Variants in KLF12 observed in about 807,000 individuals in gnomAD.
The protein encoded by KLF12 is KLF transcription factor 12.
In KLF12, 9 loss-of-function variants were observed where a neutral mutation model predicts 37.8. The observed-to-expected ratio is 0.24, with a 90% CI of 0.14 to 0.42. The LOEUF (loss-of-function observed/expected upper bound fraction) is 0.42, where lower values mean the gene tolerates loss of function less well. KLF12 is among the 10% of genes least tolerant of loss of function. The probability of loss-of-function intolerance (pLI) is 1.00; values close to 1 mark genes in which losing one functional copy is unlikely to be tolerated. For missense variants in KLF12, 411 were observed against 516.0 expected, an observed-to-expected ratio of 0.80 and a Z score of 1.97; for synonymous variants, 208 against 202.1, an observed-to-expected ratio of 1.03 and a Z score of -0.25.
At chr13:73,807,029 G>A (rs1315625907) in intron 5 of KLF12, among the ~76,000 whole-genome samples, 4 of 152,144 alleles carry the variant, frequency 2.6e-5, no homozygotes, top group African/African-American at 7.2e-5. Context: ...AATTATGGCC[G>A]GGCACGGTGG....
At chr13:73,946,066 C>G (rs1052851883) in intron 2 of KLF12, among the ~76,000 whole-genome samples, 1 of 152,098 alleles carries the variant, frequency 6.6e-6, no homozygotes. Context: ...GGCCAGCCCT[C>G]GACTCTCCGG....
chr13:73,840,326 TCTC>T (rs1331286512), intron 4 of KLF12, among the ~76,000 whole-genome samples: 2 of 152,050 alleles, frequency 1.3e-5, no homozygotes, highest in African/African-American at 2.4e-5. Context: ...CGTCCATGCT[TCTC>T]CTTCTCCATT....
At chr13:73,834,883 G>A (rs1410197931) in intron 4 of KLF12, among the ~76,000 whole-genome samples, 1 of 152,038 alleles carries the variant, frequency 6.6e-6, no homozygotes, top group East Asian at 1.9e-4. Context: ...TCACCTCTCA[G>A]CAAAACTTCC....
chr13:74,043,805 C>A (rs988654579), intron 1 of KLF12, among the ~76,000 whole-genome samples: 1 of 152,120 alleles, frequency 6.6e-6, no homozygotes, highest in African/African-American at 2.4e-5. Context: ...TTAGGCAGGT[C>A]CTCACAGCAA....
At chr13:74,270,739 C>T in the KLF12 span, among the ~76,000 whole-genome samples, 153 of 152,146 alleles carry the variant, frequency 1.0e-3, no homozygotes, top group Non-Finnish European at 1.5e-3. Flanking sequence ...GGTAGATGTG[C>T]GGGTAGCCTG....
At chr13:73,777,708 CAAAAAAAAAA>C (rs1880702316) in intron 5 of KLF12, among the ~76,000 whole-genome samples, 2 of 115,908 alleles carry the variant, frequency 1.7e-5, no homozygotes, top group Admixed American at 1.8e-4. Flanking sequence ...AACTCCATTT[CAAAAAAAAAA>C]GAAAAAAAAA....
At chr13:74,200,426 G>A in the KLF12 span, among the ~76,000 whole-genome samples, 1 of 152,082 alleles carries the variant, frequency 6.6e-6, no homozygotes, top group Non-Finnish European at 1.5e-5. Context: ...AAAGTCTGCA[G>A]GATCATATTA....
chr13:74,040,455 TG>T (rs1428415181), intron 1 of KLF12, among the ~76,000 whole-genome samples: 2 of 152,154 alleles, frequency 1.3e-5, no homozygotes, highest in Non-Finnish European at 2.9e-5. Flanking sequence ...CCTGGGACAT[TG>T]GGATTCCAGA....
intron 1 of KLF12, among the ~76,000 whole-genome samples, chr13:74,022,047 C>T (rs558638660): frequency 6.6e-6 from 1 of 152,264 alleles, no homozygotes; most frequent in South Asian, 2.1e-4. Flanking sequence ...AAGTCATCTA[C>T]ATGCAAAAGA....
chr13:74,285,232 G>T, the KLF12 span, among the ~76,000 whole-genome samples: 1 of 151,300 alleles, frequency 6.6e-6, no homozygotes, highest in Non-Finnish European at 1.5e-5. Context: ...AATTGCATCT[G>T]CAGTCTCAAA....
intron 3 of KLF12, among the ~76,000 whole-genome samples, chr13:73,942,903 T>C (rs1473765037): frequency 6.6e-6 from 1 of 152,214 alleles, no homozygotes; most frequent in African/African-American, 2.4e-5. Flanking sequence ...CAGCCTGCTA[T>C]GTGATGCTCA....
intron 1 of KLF12, among the ~76,000 whole-genome samples, chr13:74,019,305 A>G (rs906206480): frequency 1.3e-5 from 2 of 152,232 alleles, no homozygotes; most frequent in South Asian, 2.1e-4. Flanking sequence ...TTACAAAACT[A>G]TATCTCTACT....
the KLF12 span, among the ~76,000 whole-genome samples, chr13:74,167,596 A>G: frequency 6.6e-6 from 1 of 152,228 alleles, no homozygotes; most frequent in African/African-American, 2.4e-5. Flanking sequence ...TAAGCCCGTC[A>G]ATTTGGTACT....
chr13:73,923,632 C>T (rs1406546845), intron 3 of KLF12, among the ~76,000 whole-genome samples: 1 of 152,156 alleles, frequency 6.6e-6, no homozygotes, highest in Non-Finnish European at 1.5e-5. Context: ...CCTTAGAAAT[C>T]ACAGTCCCCA....
intron 3 of KLF12, among the ~76,000 whole-genome samples, chr13:73,926,937 GAA>G (rs71115622): frequency 1.4e-5 from 2 of 140,360 alleles, no homozygotes; most frequent in East Asian, 2.0e-4. Context: ...TGTCTCCTTT[GAA>G]AAAAAAAAAA....
At chr13:73,762,704 A>G (rs1879648671) in intron 6 of KLF12, among the ~76,000 whole-genome samples, 1 of 152,174 alleles carries the variant, frequency 6.6e-6, no homozygotes, top group Non-Finnish European at 1.5e-5. Flanking sequence ...GATGGGGGAC[A>G]GCAACTATCA....
At chr13:73,964,377 A>G (rs950610326) in intron 2 of KLF12, among the ~76,000 whole-genome samples, 2 of 152,224 alleles carry the variant, frequency 1.3e-5, no homozygotes, top group African/African-American at 4.8e-5. Context: ...AATAGCTCAC[A>G]GAACACAGAA....
intron 7 of KLF12, among the ~76,000 whole-genome samples, chr13:73,701,445 C>G (rs1874547318): frequency 6.6e-6 from 1 of 152,166 alleles, no homozygotes; most frequent in African/African-American, 2.4e-5. Flanking sequence ...TTTTGTCTAA[C>G]TCACAAGTAC....
Position 73,982,089 on chromosome 13 carries a change from G to A in KLF12, c.33+12901C>T, listed in dbSNP as rs566243819. Among the ~76,000 whole-genome samples, 180 of 151,658 alleles carry A rather than the reference G, an allele frequency of 1.2e-3. 2 individuals carry two copies. The highest frequency in any genetic ancestry group is 1.4e-3 in the Admixed American group (21 of 15,240). The stretch of plus-strand genomic sequence containing the variant: ...TAAATTATCTCCCCTGTGCTTTGTT[G>A]ACTAGAGTGATTAATTCTTTTAATT... On this transcript the variant is annotated intron_variant, in intron 2 of 7. Coordinates refer to ENST00000377669, the MANE Select transcript of KLF12 (RefSeq NM_007249.5).
Sources: gnomAD v4.1 joint callset for allele counts (sites outside exome capture counted in the v4.1 genomes callset) on GRCh38, gnomAD v4.1.1 for gene constraint, MANE v1.5 for transcripts, NCBI Gene and HGNC (gene_info 2026-07-23, HGNC 2026-07-21) for gene names.